UBE2G1: variants seen among roughly 807,000 people sequenced by gnomAD.
The protein encoded by UBE2G1 is ubiquitin-conjugating enzyme E2 G1.
Under a neutral mutation model 22.7 loss-of-function variants are expected in UBE2G1, and 5 were observed. That is an observed-to-expected ratio of 0.22 (90% confidence interval 0.12 to 0.46). The LOEUF (loss-of-function observed/expected upper bound fraction) is 0.46. Among genes scored for constraint, UBE2G1 ranks in the 20% least tolerant of loss-of-function variants. UBE2G1 has a pLI of 0.99. For synonymous variants in UBE2G1, 74 were observed against 67.5 expected (o/e 1.10, Z -0.47); for missense variants, 88 against 203.9 (o/e 0.43, Z 3.46).
At chr17:4,302,477 C>T (rs1481386901) in intron 2 of UBE2G1, 3 of 485,142 alleles carry the variant, frequency 6.2e-6, no homozygotes, top group Non-Finnish European at 8.4e-6. Context: ...TATGGCTTCA[C>T]GCACTCCATT....
intron 1 of UBE2G1, among the ~76,000 whole-genome samples, chr17:4,329,109 GAAAAAAAAA>G (rs56962666): frequency 4.8e-4 from 44 of 91,740 alleles, no homozygotes; most frequent in African/African-American, 1.3e-3. Flanking sequence ...GTCTCAAAAA[GAAAAAAAAA>G]AAAAAAAAAA....
In UBE2G1 at chr17:4,271,405, T is replaced by C. The variant is rs1968758434; in HGVS notation, c.*1149A>G. On this transcript the variant is annotated 3_prime_UTR_variant, in exon 6 of 6. Transcript: ENST00000396981. Reference sequence around the variant, plus strand: ...ACTCAGTATTATAGCCTTCATTCAATACAATAAAAGCCAACAACTTGACAA... The same window carrying C: ...ACTCAGTATTATAGCCTTCATTCAACACAATAAAAGCCAACAACTTGACAA... 6.6e-6 allele frequency: 1 copy of C among 152,616 alleles called. No individual in the cohort carries two copies. The highest frequency in any genetic ancestry group is 1.5e-5 in the Non-Finnish European group (1 of 68,028). 9.5% of individuals were successfully genotyped at this position (152,616 alleles called of 1,614,324 possible).
rs1302152707 is a variant in UBE2G1, at chr17:4,327,350, CT to C, written c.47-20228del. The stretch of plus-strand genomic sequence containing the variant: ...CGTAGTGGCGTAGTGGCGGGCACCC[CT>C]AATCCAGCTACTTGGGAGGCCGAGG... On this transcript the variant is annotated intron_variant, in intron 1 of 5. Transcript: ENST00000396981. Among the ~76,000 whole-genome samples the C allele has an allele frequency of 2.7e-5, 4 of 150,484 alleles. No homozygotes were observed. In the East Asian group the frequency reaches 5.9e-4, roughly 22 times the overall value.
intron 1 of UBE2G1, among the ~76,000 whole-genome samples, chr17:4,320,700 T>G (rs901835793): frequency 2.0e-5 from 3 of 152,218 alleles, no homozygotes; most frequent in African/African-American, 4.8e-5. Context: ...AGACACTACC[T>G]TCTTGCTCTC....
At chr17:4,314,499 C>A (rs926910794) in intron 1 of UBE2G1, among the ~76,000 whole-genome samples, 3 of 152,148 alleles carry the variant, frequency 2.0e-5, no homozygotes, top group Admixed American at 2.0e-4. Context: ...TTCTGAAAAC[C>A]AATTTTAAAA....
At chr17:4,289,102 G>T in intron 4 of UBE2G1, 128 bp downstream of exon 4, 1 of 578,924 alleles carries the variant, frequency 1.7e-6, no homozygotes, top group Non-Finnish European at 2.4e-6. Context: ...ACTATGGGAA[G>T]AGATACACAC....
At chr17:4,287,196 C>T (rs766930436) in intron 4 of UBE2G1, among the ~76,000 whole-genome samples, 16 of 151,020 alleles carry the variant, frequency 1.1e-4, no homozygotes, top group Non-Finnish European at 1.8e-4. Flanking sequence ...CACTGCCTCC[C>T]AGGTTCAAAC....
At chr17:4,274,605 C>A (rs1354130733) in intron 5 of UBE2G1, among the ~76,000 whole-genome samples, 2 of 152,132 alleles carry the variant, frequency 1.3e-5, no homozygotes, top group Non-Finnish European at 2.9e-5. Context: ...AGAGGTAGAA[C>A]GACTGCTATA....
chr17:4,308,547 C>T (rs964120987), intron 1 of UBE2G1, among the ~76,000 whole-genome samples: 10 of 152,166 alleles, frequency 6.6e-5, no homozygotes, highest in African/African-American at 2.4e-4. Flanking sequence ...AACACACACA[C>T]ACAATTTAAT....
At chr17:4,342,765 T>G (rs1228308025) in intron 1 of UBE2G1, among the ~76,000 whole-genome samples, 2 of 152,172 alleles carry the variant, frequency 1.3e-5, no homozygotes, top group Admixed American at 1.3e-4. Flanking sequence ...CTCATTAAAA[T>G]GTAAATCAGG....
chr17:4,287,921 C>T (rs1385798133), intron 4 of UBE2G1, among the ~76,000 whole-genome samples: 1 of 149,448 alleles, frequency 6.7e-6, no homozygotes, highest in Non-Finnish European at 1.5e-5. Flanking sequence ...ATAAAGAATA[C>T]TGGACAATCC....
intron 1 of UBE2G1, among the ~76,000 whole-genome samples, chr17:4,337,210 G>A (rs1169145151): frequency 3.3e-5 from 5 of 151,804 alleles, no homozygotes; most frequent in African/African-American, 4.8e-5. Flanking sequence ...GCATCCTGGC[G>A]CGTGCCTGAA....
chr17:4,284,470 A>T (rs948187903), intron 4 of UBE2G1, among the ~76,000 whole-genome samples: 3 of 151,704 alleles, frequency 2.0e-5, no homozygotes, highest in African/African-American at 7.3e-5. Flanking sequence ...GCATGGTGGC[A>T]CGTGCCTATA....
At chr17:4,351,326 G>A (rs1969842730) in intron 1 of UBE2G1, among the ~76,000 whole-genome samples, 1 of 152,216 alleles carries the variant, frequency 6.6e-6, no homozygotes, top group Non-Finnish European at 1.5e-5. Flanking sequence ...CAGTCATATT[G>A]CTTCCCCAAT....
chr17:4,324,821 T>A (rs1187046853), intron 1 of UBE2G1, among the ~76,000 whole-genome samples: 1 of 152,100 alleles, frequency 6.6e-6, no homozygotes, highest in Non-Finnish European at 1.5e-5. Flanking sequence ...CTCACGCCCG[T>A]AATCCCAGCA....
At chr17:4,305,419 AAGTGACCACC>A (rs2143728845) in intron 2 of UBE2G1, among the ~76,000 whole-genome samples, 1 of 152,324 alleles carries the variant, frequency 6.6e-6, no homozygotes, top group South Asian at 2.1e-4. Context: ...CACAGTCCAG[AAGTGACCACC>A]AGTATTCTCA....
intron 1 of UBE2G1, among the ~76,000 whole-genome samples, chr17:4,314,952 T>TA (rs1969349209): frequency 6.6e-6 from 1 of 152,246 alleles, no homozygotes. Context: ...AAACTTTTTT[T>TA]AAATTTATGA....
At chr17:4,353,812 ATTTTT>A (rs11437680) in intron 1 of UBE2G1, among the ~76,000 whole-genome samples, 5 of 104,844 alleles carry the variant, frequency 4.8e-5, no homozygotes, top group Middle Eastern at 5.4e-3. Context: ...GCCCGGTCAA[ATTTTT>A]TTTTTTTTTT....
intron 2 of UBE2G1, chr17:4,302,031 C>G: frequency 2.1e-6 from 1 of 487,670 alleles, no homozygotes; most frequent in South Asian, 1.5e-5. Flanking sequence ...TCATAAAGAA[C>G]AACAACAACA....
Sources: allele counts gnomAD v4.1 joint callset (sites outside exome capture counted in the v4.1 genomes callset), GRCh38; gene constraint gnomAD v4.1.1; transcripts MANE v1.5; gene names NCBI Gene and HGNC (gene_info 2026-07-23, HGNC 2026-07-21).